MACROD2: variants seen among roughly 807,000 people sequenced by gnomAD.
The protein encoded by MACROD2 is mono-ADP ribosylhydrolase 2.
Under a neutral mutation model 70.4 loss-of-function variants are expected in MACROD2, and 36 were observed. The ratio of observed to expected loss-of-function variants is 0.51; its 90% CI spans 0.39 to 0.68. The LOEUF (loss-of-function observed/expected upper bound fraction) is 0.68, where lower values mean the gene tolerates loss of function less well. MACROD2 is among the 30% of genes least tolerant of loss of function. The pLI is 0.00. For synonymous variants in MACROD2, 172 were observed against 178.8 expected (o/e 0.96, Z 0.30); for missense variants, 496 against 538.4 (o/e 0.92, Z 0.78).
chr20:15,507,842 A>G (rs1463688158), intron 8 of MACROD2, among the ~76,000 whole-genome samples: 1 of 152,234 alleles, frequency 6.6e-6, no homozygotes, highest in Admixed American at 6.5e-5. Flanking sequence ...GGTTGCTTTC[A>G]GGCTCCATAG....
intron 8 of MACROD2, among the ~76,000 whole-genome samples, chr20:15,768,556 A>C (rs1171404378): frequency 6.6e-6 from 1 of 152,202 alleles, no homozygotes; most frequent in Admixed American, 6.6e-5. Context: ...ACATTACCGC[A>C]CACTGCTGTA....
intron 8 of MACROD2, among the ~76,000 whole-genome samples, chr20:15,583,296 A>T (rs1017713039): frequency 6.6e-6 from 1 of 152,182 alleles, no homozygotes; most frequent in Non-Finnish European, 1.5e-5. Flanking sequence ...AGACTACATA[A>T]AGAAATGTGA....
rs759744216 is a variant in MACROD2, at chr20:15,986,805, C to T, written c.1060+4C>T. The T allele has an allele frequency of 6.2e-7, 1 of 1,601,374 alleles. No homozygotes were observed. Among genetic ancestry groups the T allele is most frequent in the South Asian group, 1.1e-5 (1 of 90,544 alleles). ...AGCTCATATATGGAAACAGAAGGTACTGAAACCAAAATATATTGTTATCAG... is the reference window on the plus strand; with the variant it reads ...AGCTCATATATGGAAACAGAAGGTATTGAAACCAAAATATATTGTTATCAG... On this transcript the variant is annotated splice_donor_region_variant and intron_variant, in intron 14 of 17. Coordinates refer to ENST00000684519, the MANE Select transcript of MACROD2 (RefSeq NM_001351661.2).
intron 8 of MACROD2, among the ~76,000 whole-genome samples, chr20:15,528,249 C>G (rs1027770824): frequency 1.3e-5 from 2 of 152,170 alleles, no homozygotes; most frequent in African/African-American, 4.8e-5. Flanking sequence ...ATTCTCCTGC[C>G]TCAGCCTCCT....
chr20:14,290,845 C>T (rs576054484), intron 3 of MACROD2, among the ~76,000 whole-genome samples: 17 of 152,302 alleles, frequency 1.1e-4, no homozygotes, highest in South Asian at 1.0e-3. Flanking sequence ...TAGATAATTT[C>T]GTCTGAAGAC....
intron 5 of MACROD2, among the ~76,000 whole-genome samples, chr20:14,861,157 C>T (rs1007149233): frequency 2.0e-5 from 3 of 152,186 alleles, no homozygotes; most frequent in African/African-American, 7.2e-5. Context: ...ATTGAGGGAA[C>T]TGACACAAGA....
intron 4 of MACROD2, among the ~76,000 whole-genome samples, chr20:14,631,421 G>A (rs1016821334): frequency 6.6e-6 from 1 of 152,102 alleles, no homozygotes; most frequent in African/African-American, 2.4e-5. Flanking sequence ...CTGTTTTCTG[G>A]AATGAGATGT....
At chr20:14,286,706 T>C (rs2082347835) in intron 3 of MACROD2, among the ~76,000 whole-genome samples, 2 of 152,168 alleles carry the variant, frequency 1.3e-5, no homozygotes. Context: ...AACACATTAC[T>C]ATCTAAAATA....
At chr20:15,528,808 C>T (rs940962392) in intron 8 of MACROD2, among the ~76,000 whole-genome samples, 1 of 151,950 alleles carries the variant, frequency 6.6e-6, no homozygotes, top group Non-Finnish European at 1.5e-5. Context: ...AGCTTAGCTG[C>T]CATCTTGAAC....
intron 3 of MACROD2, among the ~76,000 whole-genome samples, chr20:14,442,161 T>A (rs1402781100): frequency 6.6e-6 from 1 of 151,866 alleles, no homozygotes; most frequent in Non-Finnish European, 1.5e-5. Context: ...TCCCAGCTAC[T>A]CAGAAGGCTG....
chr20:15,175,921 C>T (rs1304598320), intron 5 of MACROD2, among the ~76,000 whole-genome samples: 3 of 152,200 alleles, frequency 2.0e-5, no homozygotes, highest in Non-Finnish European at 4.4e-5. Context: ...GACTGTGGCT[C>T]CAGACCTGGG....
chr20:14,937,114 G>A (rs1438562372), intron 5 of MACROD2, among the ~76,000 whole-genome samples: 1 of 152,154 alleles, frequency 6.6e-6, no homozygotes, highest in Non-Finnish European at 1.5e-5. Flanking sequence ...GACCAAGCCA[G>A]TGTGGGAGGT....
chr20:14,784,835 C>T (rs544608327), intron 5 of MACROD2, among the ~76,000 whole-genome samples: 7 of 152,012 alleles, frequency 4.6e-5, no homozygotes, highest in African/African-American at 1.7e-4. Context: ...ATGTAACAGC[C>T]TCTCTTAGTT....
intron 9 of MACROD2, among the ~76,000 whole-genome samples, chr20:15,873,316 G>A (rs924507623): frequency 6.6e-6 from 1 of 152,080 alleles, no homozygotes; most frequent in African/African-American, 2.4e-5. Context: ...AGTGGTACAT[G>A]AGAGTTTATT....
intron 8 of MACROD2, among the ~76,000 whole-genome samples, chr20:15,524,587 A>G (rs2047697136): frequency 6.6e-6 from 1 of 152,162 alleles, no homozygotes; most frequent in South Asian, 2.1e-4. Context: ...TGCGTCACCT[A>G]CAAAAGGCTT....
chr20:15,128,388 G>T (rs933559399), intron 5 of MACROD2, among the ~76,000 whole-genome samples: 2 of 152,162 alleles, frequency 1.3e-5, no homozygotes, highest in Middle Eastern at 3.4e-3. Flanking sequence ...GACAGTAGGA[G>T]ACTAAAACTT....
At chr20:15,178,645 A>G (rs2076479041) in intron 5 of MACROD2, among the ~76,000 whole-genome samples, 1 of 152,158 alleles carries the variant, frequency 6.6e-6, no homozygotes, top group Admixed American at 6.5e-5. Flanking sequence ...AACCTGCACC[A>G]ATCTCTGTGT....
chr20:15,505,152 A>G (rs1346022203), intron 8 of MACROD2, among the ~76,000 whole-genome samples: 1 of 152,170 alleles, frequency 6.6e-6, no homozygotes, highest in Non-Finnish European at 1.5e-5. Context: ...TTCACCCTTC[A>G]GAGCCACAAA....
At chr20:14,735,158 C>T (rs930479897) in intron 5 of MACROD2, among the ~76,000 whole-genome samples, 1 of 152,096 alleles carries the variant, frequency 6.6e-6, no homozygotes, top group African/African-American at 2.4e-5. Flanking sequence ...ACAAAAAAAG[C>T]CCTTTTGTGC....
Sources: gnomAD v4.1 joint callset for allele counts (sites outside exome capture counted in the v4.1 genomes callset) on GRCh38, gnomAD v4.1.1 for gene constraint, MANE v1.5 for transcripts, NCBI Gene and HGNC (gene_info 2026-07-23, HGNC 2026-07-21) for gene names.